Variants in CIRSR observed in about 807,000 individuals in gnomAD.
The protein encoded by CIRSR is corepressor of RBPJ and splicing regulator, also known as CBF1 (RBPJ) interacting corepressor 1.
the CIRSR span, among the ~76,000 whole-genome samples, chr2:174,360,187 A>C: frequency 6.6e-6 from 1 of 152,220 alleles, no homozygotes; most frequent in Non-Finnish European, 1.5e-5. Context: ...GTGCACATGC[A>C]CCCTAGAACT....
the CIRSR span, among the ~76,000 whole-genome samples, chr2:174,361,651 G>A: frequency 1.3e-5 from 2 of 152,240 alleles, no homozygotes; most frequent in Middle Eastern, 3.4e-3. Flanking sequence ...ATTAGGCAAG[G>A]AGAAGAACAC....
the CIRSR span, chr2:174,352,021 A>G: frequency 6.5e-5 from 14 of 215,060 alleles, no homozygotes; most frequent in African/African-American, 3.2e-4. Context: ...TATAAAATCA[A>G]AGCAAAATAT....
At chr2:174,348,979 T>G in the CIRSR span, 1 of 1,598,434 alleles carries the variant, frequency 6.3e-7, no homozygotes, top group Non-Finnish European at 8.5e-7. Flanking sequence ...CTTTTCTTCC[T>G]TTGTATTTTT....
the CIRSR span, among the ~76,000 whole-genome samples, chr2:174,352,998 T>C: frequency 6.6e-6 from 1 of 152,336 alleles, no homozygotes; most frequent in South Asian, 2.1e-4. Context: ...GGCAATCAGT[T>C]CAAATTTGTT....
At chr2:174,363,418 G>A in the CIRSR span, among the ~76,000 whole-genome samples, 1 of 152,196 alleles carries the variant, frequency 6.6e-6, no homozygotes, top group Non-Finnish European at 1.5e-5. Flanking sequence ...ACAGCAAACA[G>A]TAGACACAGT....
chr2:174,385,215 C>CCT, the CIRSR span, among the ~76,000 whole-genome samples: 1 of 94,116 alleles, frequency 1.1e-5, no homozygotes, highest in South Asian at 3.4e-4. Flanking sequence ...ACCTTCCTCT[C>CCT]AAAAAAAAAA....
chr2:174,352,216 CACACACACACAT>C, the CIRSR span, among the ~76,000 whole-genome samples: 1 of 151,550 alleles, frequency 6.6e-6, no homozygotes, highest in Non-Finnish European at 1.5e-5. Context: ...CACACACACA[CACACACACACAT>C]ACACACACAC....
chr2:174,384,844 C>T, the CIRSR span, among the ~76,000 whole-genome samples: 1 of 152,154 alleles, frequency 6.6e-6, no homozygotes, highest in Non-Finnish European at 1.5e-5. Context: ...TTTGTTTCAA[C>T]CTCAACTGAA....
chr2:174,380,658 G>A, the CIRSR span: 74 of 1,611,176 alleles, frequency 4.6e-5, no homozygotes, highest in Admixed American at 8.3e-5. Flanking sequence ...TACTTTTCTC[G>A]TGGGGCTCCT....
At chr2:174,350,885 G>T in the CIRSR span, 1 of 638,782 alleles carries the variant, frequency 1.6e-6, no homozygotes, top group Non-Finnish European at 2.5e-6. Context: ...GGAAGTGGGA[G>T]AGAATTAAAA....
At chr2:174,350,644 T>C in the CIRSR span, 3 of 1,508,344 alleles carry the variant, frequency 2.0e-6, no homozygotes, top group African/African-American at 4.2e-5. Context: ...CTATTAAATA[T>C]ATACTTCTAA....
chr2:174,383,623 G>A, the CIRSR span, among the ~76,000 whole-genome samples: 2 of 150,594 alleles, frequency 1.3e-5, no homozygotes, highest in African/African-American at 2.4e-5. Context: ...GGGAGGCTGA[G>A]GCACAAAAAT....
the CIRSR span, among the ~76,000 whole-genome samples, chr2:174,367,745 T>TAAAA: frequency 9.3e-4 from 66 of 70,836 alleles, no homozygotes; most frequent in African/African-American, 3.9e-3. Flanking sequence ...TGCTGTCTCT[T>TAAAA]AAAAAAAAAA....
the CIRSR span, among the ~76,000 whole-genome samples, chr2:174,354,543 ATAT>A: frequency 2.0e-5 from 1 of 50,050 alleles, no homozygotes; most frequent in African/African-American, 8.2e-5. Context: ...TATATAATAT[ATAT>A]TATATTATAT....
the CIRSR span, chr2:174,381,899 G>T: frequency 1.5e-6 from 1 of 660,790 alleles, no homozygotes; most frequent in Non-Finnish European, 2.6e-6. Context: ...TAGAAACAGA[G>T]TTCTAAAACT....
At chr2:174,389,107 G>A in the CIRSR span, among the ~76,000 whole-genome samples, 2 of 152,142 alleles carry the variant, frequency 1.3e-5, no homozygotes, top group Non-Finnish European at 2.9e-5. Context: ...ATTGGTATAG[G>A]TAGAATGGAG....
At chr2:174,354,546 TTATATTATA>T in the CIRSR span, among the ~76,000 whole-genome samples, 1 of 39,918 alleles carries the variant, frequency 2.5e-5, no homozygotes. Flanking sequence ...ATAATATATA[TTATATTATA>T]TATATTTTAT....
the CIRSR span, among the ~76,000 whole-genome samples, chr2:174,382,115 T>C: frequency 2.0e-5 from 3 of 152,214 alleles, no homozygotes; most frequent in Non-Finnish European, 4.4e-5. Context: ...TGAAATCCCA[T>C]ATGCCATCAC....
the CIRSR span, among the ~76,000 whole-genome samples, chr2:174,390,065 G>T: frequency 5.3e-5 from 8 of 152,336 alleles, no homozygotes; most frequent in Admixed American, 4.6e-4. Context: ...AGTCCCTACT[G>T]GGGTACTGCC....
Sources: allele counts gnomAD v4.1 joint callset (sites outside exome capture counted in the v4.1 genomes callset), GRCh38; gene constraint gnomAD v4.1.1; transcripts MANE v1.5; gene names NCBI Gene and HGNC (gene_info 2026-07-23, HGNC 2026-07-21).